The following XRCC4 variants were observed in gnomAD, a reference collection of about 807,000 sequenced individuals.
XRCC4 encodes the protein X-ray repair cross complementing 4.
In XRCC4, 28 loss-of-function variants were observed where a neutral mutation model predicts 39.1. The ratio of observed to expected loss-of-function variants is 0.72; its 90% confidence interval spans 0.53 to 0.98. The LOEUF is 0.98. Ranked by LOEUF, XRCC4 falls within the 50% of genes least tolerant of loss-of-function variation. The pLI is 0.00. For synonymous variants in XRCC4, 123 were observed against 126.4 expected (o/e 0.97, Z 0.18); for missense variants, 350 against 376.4 (o/e 0.93, Z 0.58).
intron 7 of XRCC4, among the ~76,000 whole-genome samples, chr5:83,335,034 T>C (rs1422844929): frequency 1.3e-5 from 2 of 151,922 alleles, no homozygotes; most frequent in African/African-American, 4.8e-5. Context: ...AATTTAAATT[T>C]ATGACTTTGG....
intron 7 of XRCC4, among the ~76,000 whole-genome samples, chr5:83,331,971 C>A (rs1756449643): frequency 6.6e-6 from 1 of 151,938 alleles, no homozygotes; most frequent in Admixed American, 6.6e-5. Flanking sequence ...GTGGAGTGAA[C>A]CTGTTACTAA....
intron 3 of XRCC4, among the ~76,000 whole-genome samples, chr5:83,127,753 A>G (rs1176827240): frequency 1.3e-5 from 2 of 151,918 alleles, no homozygotes; most frequent in African/African-American, 4.8e-5. Flanking sequence ...GAAGGACTTC[A>G]TTTAATATTC....
At chr5:83,092,521 G>A (rs938205929) in intron 1 of XRCC4, among the ~76,000 whole-genome samples, 1 of 152,094 alleles carries the variant, frequency 6.6e-6, no homozygotes, top group Non-Finnish European at 1.5e-5. Context: ...ATGGTGGTGT[G>A]TAGAGTAATT....
At chr5:83,264,545 A>C (rs915208019) in intron 7 of XRCC4, among the ~76,000 whole-genome samples, 1 of 152,098 alleles carries the variant, frequency 6.6e-6, no homozygotes, top group Non-Finnish European at 1.5e-5. Flanking sequence ...AAAGCAGTTC[A>C]TGCTCATTCC....
chr5:83,248,875 G>A (rs566446563), intron 6 of XRCC4, among the ~76,000 whole-genome samples: 1 of 151,998 alleles, frequency 6.6e-6, no homozygotes, highest in South Asian at 2.1e-4. Flanking sequence ...AAAATCATAA[G>A]TAACATGAAG....
chr5:83,237,874 TAATAA>T (rs1752750273), intron 6 of XRCC4, among the ~76,000 whole-genome samples: 1 of 152,132 alleles, frequency 6.6e-6, no homozygotes, highest in Non-Finnish European at 1.5e-5. Context: ...TATGTATCCA[TAATAA>T]AATAATTTTT....
intron 6 of XRCC4, among the ~76,000 whole-genome samples, chr5:83,249,467 A>G (rs1481990485): frequency 6.6e-6 from 1 of 152,170 alleles, no homozygotes; most frequent in Non-Finnish European, 1.5e-5. Context: ...GAACAACTAC[A>G]AACTGGCCAA....
intron 7 of XRCC4, among the ~76,000 whole-genome samples, chr5:83,352,661 CAT>C (rs1310365531): frequency 6.6e-6 from 1 of 152,140 alleles, no homozygotes; most frequent in Non-Finnish European, 1.5e-5. Flanking sequence ...CATTATTTTT[CAT>C]ATATACACAT....
intron 7 of XRCC4, among the ~76,000 whole-genome samples, chr5:83,336,899 C>T (rs1756611234): frequency 1.3e-5 from 2 of 152,114 alleles, no homozygotes; most frequent in South Asian, 4.1e-4. Context: ...ACATCCAAAA[C>T]TACTTGAAAA....
intron 1 of XRCC4, among the ~76,000 whole-genome samples, chr5:83,083,283 G>C (rs1432742745): frequency 6.6e-6 from 1 of 151,712 alleles, no homozygotes; most frequent in African/African-American, 2.4e-5. Context: ...GTTGTCTTAT[G>C]CCACATTCTA....
intron 7 of XRCC4, among the ~76,000 whole-genome samples, chr5:83,264,158 G>A (rs1328439951): frequency 6.6e-6 from 1 of 152,122 alleles, no homozygotes. Flanking sequence ...GATGCTTACA[G>A]TATTATCCTT....
intron 6 of XRCC4, among the ~76,000 whole-genome samples, chr5:83,236,751 G>GA (rs1173774361): frequency 3.4e-5 from 5 of 148,174 alleles, no homozygotes; most frequent in African/African-American, 5.0e-5. Flanking sequence ...CACAGCAAAG[G>GA]AAAAAAAATC....
At chr5:83,306,359 A>ACTT (rs1376222800) in intron 7 of XRCC4, among the ~76,000 whole-genome samples, 2 of 152,176 alleles carry the variant, frequency 1.3e-5, no homozygotes, top group African/African-American at 4.8e-5. Flanking sequence ...TGTTCATCTC[A>ACTT]CTTCAAATAC....
chr5:83,362,316 A>AAAAAAAAAAAAAAAAAAAC, the XRCC4 span, among the ~76,000 whole-genome samples: 5 of 146,040 alleles, frequency 3.4e-5, no homozygotes, highest in African/African-American at 1.4e-4. Flanking sequence ...AAAAAAAAAA[A>AAAAAAAAAAAAAAAAAAAC]AACTATCTCA....
intron 7 of XRCC4, among the ~76,000 whole-genome samples, chr5:83,295,696 G>A (rs1454799783): frequency 2.0e-5 from 3 of 151,456 alleles, no homozygotes; most frequent in Admixed American, 6.6e-5. Context: ...GCATACACAG[G>A]AAGTAACACA....
downstream of XRCC4, among the ~76,000 whole-genome samples, chr5:83,355,346 G>T (rs1038932315): frequency 6.6e-6 from 1 of 151,928 alleles, no homozygotes; most frequent in South Asian, 2.1e-4. Flanking sequence ...CTCCTCTCCC[G>T]GTGGAACATA....
chr5:83,191,423 G>T (rs1335150307), intron 3 of XRCC4, among the ~76,000 whole-genome samples: 2 of 152,206 alleles, frequency 1.3e-5, no homozygotes, highest in South Asian at 2.1e-4. Flanking sequence ...AAACAGGAGT[G>T]TCCGGGCACA....
chr5:83,257,865 AG>A (rs1398054062), intron 6 of XRCC4, among the ~76,000 whole-genome samples: 2 of 152,230 alleles, frequency 1.3e-5, no homozygotes, highest in South Asian at 4.1e-4. Context: ...CCATAAAAAA[AG>A]GATGAGTTCA....
chr5:83,085,581 A>G (rs11746977), intron 1 of XRCC4, among the ~76,000 whole-genome samples: 50,117 of 152,004 alleles, frequency 0.33, 9,182 homozygotes, highest in Non-Finnish European at 0.42. Flanking sequence ...CTATTTATAA[A>G]TTTGTAAATT....
Sources: gnomAD v4.1 joint callset for allele counts (sites outside exome capture counted in the v4.1 genomes callset) on GRCh38, gnomAD v4.1.1 for gene constraint, MANE v1.5 for transcripts, NCBI Gene and HGNC (gene_info 2026-07-23, HGNC 2026-07-21) for gene names.